SH3KBP1: variants seen among roughly 807,000 people sequenced by gnomAD.
SH3KBP1 encodes SH3 domain-containing kinase-binding protein 1.
A neutral mutation model predicts 50.1 loss-of-function variants in SH3KBP1; 8 were observed. The ratio of observed to expected loss-of-function variants is 0.16; its 90% CI spans 0.09 to 0.29. SH3KBP1 has a LOEUF of 0.29. Ranked by LOEUF, SH3KBP1 falls within the 10% of genes least tolerant of loss-of-function variation. The pLI, the probability that SH3KBP1 is intolerant of heterozygous loss-of-function variation, is 1.00. For missense variants in SH3KBP1, 377 were observed against 535.2 expected (o/e 0.70, Z 2.92); for synonymous variants, 227 against 218.6 (o/e 1.04, Z -0.34).
At chrX:19,767,256 T>A (rs942700215) in intron 2 of SH3KBP1, among the ~76,000 whole-genome samples, 1 of 111,950 alleles carries the variant, frequency 8.9e-6, no homozygotes, top group Admixed American at 9.5e-5. Context: ...AACTTGATCA[T>A]AAGAAATGAG....
rs1176345703 is a variant in SH3KBP1 at position 19,554,118 on chromosome X, AATATTATATATCATATTAAAAT to A, written c.1385-4057_1385-4036del. Among the ~76,000 whole-genome samples, 202 of 75,159 alleles carry A rather than the reference AATATTATATATCATATTAAAAT, an allele frequency of 2.7e-3. 5 individuals are homozygous for A. The highest frequency in any genetic ancestry group is 3.2e-3 in the African/African-American group (54 of 17,132). The allele number at this position is 75,159 out of a possible 115,157, so 65.3% of individuals were successfully genotyped here. A position where few individuals can be genotyped will look rare whatever the true frequency, so the allele number is the denominator to read the frequency against. On this transcript the variant is annotated intron_variant, in intron 13 of 17. Transcript: ENST00000397821. ...AATATTATATATCATATTAAAATAT[AATATTATATATCATATTAAAAT>A]ATATTATATATCATATTAAAATATA...
intron 2 of SH3KBP1, among the ~76,000 whole-genome samples, chrX:19,790,050 C>T (rs1231945396): frequency 1.9e-5 from 2 of 107,459 alleles, no homozygotes; most frequent in Admixed American, 9.9e-5. Flanking sequence ...CTCTAAGAGG[C>T]CCAGCCTGAG....
chrX:19,869,301 T>C (rs1176605484), intron 1 of SH3KBP1, among the ~76,000 whole-genome samples: 1 of 112,748 alleles, frequency 8.9e-6, no homozygotes, highest in Non-Finnish European at 1.9e-5. Context: ...CAGATTTTGC[T>C]GGGCACATGG....
At chrX:19,683,104 C>T (rs924516381) in intron 6 of SH3KBP1, among the ~76,000 whole-genome samples, 3 of 111,295 alleles carry the variant, frequency 2.7e-5, no homozygotes, top group African/African-American at 9.8e-5. Flanking sequence ...CAGTATTTAT[C>T]AACTCCTAAG....
rs1193000318 is a variant in SH3KBP1, at chrX:19,836,266, C to T, written c.21G>A (p.Glu7=). The T allele has an allele frequency of 1.7e-6, 2 of 1,210,247 alleles. No individual in the cohort carries two copies. Among genetic ancestry groups the T allele is most frequent in the South Asian group, 1.8e-5 (1 of 56,881 alleles). The change falls in exon 2 of 18, where the codon GAG becomes GAA. Residue 7 remains glutamate (E), a synonymous_variant. Coordinates refer to ENST00000397821, the MANE Select transcript of SH3KBP1 (RefSeq NM_031892.3). MVEAIV[E]FDYQAQHDDE... is the part of the protein sequence containing the mutation. ...CATCGTGCTGGGCCTGGTAGTCAAA[C>T]TCCACTATGGCCTCCACTGGAAGGA... is the stretch of plus-strand genomic sequence containing the variant.
rs2064690859 is a variant in SH3KBP1, at chrX:19,535,720, T to C, written c.*697A>G. 2 of 111,443 alleles carry C rather than the reference T, an allele frequency of 1.8e-5. No homozygotes were observed. The highest frequency in any genetic ancestry group is 3.8e-5 in the Non-Finnish European group (2 of 53,060). The allele number at this position is 111,443 out of a possible 1,213,427, so 9.2% of individuals were successfully genotyped here. A position where few individuals can be genotyped will look rare whatever the true frequency, so the allele number is the denominator to read the frequency against. On this transcript the variant is annotated 3_prime_UTR_variant, in exon 18 of 18. Transcript: ENST00000397821. ...TTTTTTTTTTAATTTTTAATTTTTTTGAATCATGGTAGCTGCATCACAAAA... is the reference window on the plus strand; with the variant it reads ...TTTTTTTTTTAATTTTTAATTTTTTCGAATCATGGTAGCTGCATCACAAAA...
intron 6 of SH3KBP1, chrX:19,683,234 C>A: frequency 3.0e-6 from 1 of 332,547 alleles, no homozygotes; most frequent in Non-Finnish European, 5.9e-6. Flanking sequence ...GCCTGCCTCT[C>A]ACTAGCCCAG....
intron 2 of SH3KBP1, among the ~76,000 whole-genome samples, chrX:19,831,801 A>AAAAAAAAAAAAAG: frequency 9.3e-6 from 1 of 107,640 alleles, no homozygotes; most frequent in African/African-American, 3.4e-5. Flanking sequence ...CAAAAAAAAA[A>AAAAAAAAAAAAAG]AAAGAAAGAC....
At chrX:19,770,121 T>G (rs1317804704) in intron 2 of SH3KBP1, among the ~76,000 whole-genome samples, 1 of 111,829 alleles carries the variant, frequency 8.9e-6, no homozygotes, top group East Asian at 2.8e-4. Flanking sequence ...CATGAGGGTT[T>G]GTTGTACAGA....
At chrX:19,810,915 A>G (rs1431178819) in intron 2 of SH3KBP1, among the ~76,000 whole-genome samples, 1 of 112,061 alleles carries the variant, frequency 8.9e-6, no homozygotes, top group Non-Finnish European at 1.9e-5. Flanking sequence ...CAGTCCTTGG[A>G]AAAATGTCAA....
chrX:19,732,378 A>G (rs2064406716), intron 3 of SH3KBP1, among the ~76,000 whole-genome samples: 1 of 110,198 alleles, frequency 9.1e-6, no homozygotes. Flanking sequence ...GCATCCCAAA[A>G]TCCACACATC....
At chrX:19,793,355 G>A (rs1472756001) in intron 2 of SH3KBP1, among the ~76,000 whole-genome samples, 3 of 107,073 alleles carry the variant, frequency 2.8e-5, no homozygotes, top group Non-Finnish European at 5.8e-5. Context: ...AGAGGCACCC[G>A]TGCTAAAGTG....
rs779191332 is a variant in SH3KBP1, at chrX:19,804,893, C to G, written c.162+31232G>C. 4.4e-4 allele frequency among the ~76,000 whole-genome samples: 38 copies of G among 86,911 alleles called. 1 individual carries two copies. The highest frequency in any genetic ancestry group is 2.3e-3 in the East Asian group (5 of 2,222). 75.5% of individuals were successfully genotyped at this position (86,911 alleles called of 115,157 possible). ...CCAGCCCAAACCCTACCCCCCCCCCCCCACCCGCTGCCATCACAATCTGCC... is the reference window on the plus strand; with the variant it reads ...CCAGCCCAAACCCTACCCCCCCCCCGCCACCCGCTGCCATCACAATCTGCC... On this transcript the variant is annotated intron_variant, in intron 2 of 17. Transcript: ENST00000397821.
intron 6 of SH3KBP1, chrX:19,670,885 C>T (rs750286656): frequency 5.2e-6 from 6 of 1,147,661 alleles, no homozygotes; most frequent in Non-Finnish European, 7.0e-6. Context: ...ATGCAGCCAG[C>T]CTCCTCTCTT....
At chrX:19,719,930 C>A in intron 3 of SH3KBP1, among the ~76,000 whole-genome samples, 1 of 108,434 alleles carries the variant, frequency 9.2e-6, no homozygotes. Context: ...ACAGAAGAGA[C>A]AAACGGCCCA....
At chrX:19,656,965 T>C (rs1380352860) in intron 6 of SH3KBP1, among the ~76,000 whole-genome samples, 4 of 112,103 alleles carry the variant, frequency 3.6e-5, no homozygotes, top group Non-Finnish European at 7.5e-5. Context: ...GGGAAATTTC[T>C]TTCCCCAGCA....
At chrX:19,821,296 C>T (rs1351085873) in intron 2 of SH3KBP1, among the ~76,000 whole-genome samples, 1 of 110,880 alleles carries the variant, frequency 9.0e-6, no homozygotes, top group East Asian at 2.8e-4. Flanking sequence ...GAGACTGAGG[C>T]AAGATAATCA....
intron 9 of SH3KBP1, among the ~76,000 whole-genome samples, chrX:19,596,140 G>C (rs1251387623): frequency 9.0e-6 from 1 of 111,448 alleles, no homozygotes; most frequent in African/African-American, 3.3e-5. Context: ...CCTAACAAAA[G>C]TATCAGTGAA....
intron 4 of SH3KBP1, among the ~76,000 whole-genome samples, chrX:19,697,323 A>G (rs1212436109): frequency 1.8e-5 from 2 of 112,307 alleles, no homozygotes; most frequent in African/African-American, 3.2e-5. Context: ...ATTTGAGTCA[A>G]AAGTCCAGTT....
Sources: allele counts gnomAD v4.1 joint callset (sites outside exome capture counted in the v4.1 genomes callset), GRCh38; gene constraint gnomAD v4.1.1; transcripts MANE v1.5; gene names NCBI Gene and HGNC (gene_info 2026-07-23, HGNC 2026-07-21).